The following FILIP1L variants were observed in gnomAD, a reference collection of about 807,000 sequenced individuals.
The protein encoded by FILIP1L is filamin A-interacting protein 1-like.
A neutral mutation model predicts 96.6 loss-of-function variants in FILIP1L; 55 were observed. The ratio of observed to expected loss-of-function variants is 0.57; its 90% CI spans 0.46 to 0.71. The LOEUF is 0.71. FILIP1L is among the 30% of genes least tolerant of loss of function. The pLI, the probability that FILIP1L is intolerant of heterozygous loss-of-function variation, is 0.00. For missense variants in FILIP1L, 1,304 were observed against 1,321.2 expected (o/e 0.99, Z 0.20); for synonymous variants, 467 against 473.9 (o/e 0.99, Z 0.19).
At chr3:99,875,515 G>T (rs550448706) in intron 4 of FILIP1L, among the ~76,000 whole-genome samples, 9 of 152,110 alleles carry the variant, frequency 5.9e-5, no homozygotes, top group Non-Finnish European at 1.5e-5. Context: ...ATGCTTTTAC[G>T]ACAAAATAGC....
intron 1 of FILIP1L, chr3:100,010,246 TC>T: frequency 4.3e-6 from 2 of 460,408 alleles, no homozygotes; most frequent in Non-Finnish European, 5.7e-6. Context: ...AGTATGTTTT[TC>T]CCCCCACAAC....
intron 4 of FILIP1L, among the ~76,000 whole-genome samples, chr3:99,885,273 G>A (rs1290736499): frequency 1.3e-5 from 2 of 152,216 alleles, no homozygotes; most frequent in Admixed American, 6.5e-5. Context: ...TTGGATGCTT[G>A]TAGGGCTATT....
chr3:99,994,816 A>C (rs970614924), intron 1 of FILIP1L, among the ~76,000 whole-genome samples: 1 of 152,152 alleles, frequency 6.6e-6, no homozygotes, highest in African/African-American at 2.4e-5. Context: ...TCCTGATAAA[A>C]CCATCAGATC....
intron 1 of FILIP1L, among the ~76,000 whole-genome samples, chr3:100,076,116 T>G (rs1297388531): frequency 6.6e-6 from 1 of 152,210 alleles, no homozygotes; most frequent in African/African-American, 2.4e-5. Context: ...GCCATATGTA[T>G]AATTAAGAAA....
intron 1 of FILIP1L, among the ~76,000 whole-genome samples, chr3:100,019,649 G>A (rs77495843): frequency 0.012 from 1,827 of 152,126 alleles, 23 homozygotes; most frequent in African/African-American, 0.027. Flanking sequence ...GCTGTTGACT[G>A]TCTTTCCATT....
chr3:99,997,888 A>C (rs181393674), intron 1 of FILIP1L, among the ~76,000 whole-genome samples: 2 of 152,352 alleles, frequency 1.3e-5, no homozygotes, highest in East Asian at 3.9e-4. Context: ...CTAAAGTATA[A>C]TGCATTTTGA....
At chr3:99,919,184 CTTTAG>C (rs1707047445) in intron 4 of FILIP1L, among the ~76,000 whole-genome samples, 1 of 151,906 alleles carries the variant, frequency 6.6e-6, no homozygotes, top group South Asian at 2.1e-4. Flanking sequence ...TAGTAAAATA[CTTTAG>C]TTTAATGTGT....
At chr3:99,907,971 A>T (rs1706675815) in intron 4 of FILIP1L, among the ~76,000 whole-genome samples, 1 of 152,238 alleles carries the variant, frequency 6.6e-6, no homozygotes, top group Non-Finnish European at 1.5e-5. Context: ...AATGAACTAG[A>T]TGATAAGTAA....
At chr3:99,901,247 T>C (rs1362936533) in intron 4 of FILIP1L, among the ~76,000 whole-genome samples, 1 of 152,234 alleles carries the variant, frequency 6.6e-6, no homozygotes, top group Non-Finnish European at 1.5e-5. Context: ...AGTACCTTCC[T>C]TTAGAGATGC....
intron 4 of FILIP1L, among the ~76,000 whole-genome samples, chr3:99,880,312 C>A (rs1705680418): frequency 6.6e-6 from 1 of 152,164 alleles, no homozygotes; most frequent in East Asian, 1.9e-4. Flanking sequence ...TATACCATAT[C>A]TCCGCACTTA....
At chr3:100,058,894 G>T (rs1367173698) in intron 1 of FILIP1L, among the ~76,000 whole-genome samples, 1 of 152,180 alleles carries the variant, frequency 6.6e-6, no homozygotes, top group African/African-American at 2.4e-5. Flanking sequence ...TTTTCTTTCT[G>T]ATCTTCTAAC....
chr3:99,958,221 T>TATTATG (rs1708392621), intron 1 of FILIP1L, among the ~76,000 whole-genome samples: 1 of 145,862 alleles, frequency 6.9e-6, no homozygotes, highest in Non-Finnish European at 1.5e-5. Context: ...TTATTATTAT[T>TATTATG]ATTATTATTA....
intron 1 of FILIP1L, among the ~76,000 whole-genome samples, chr3:100,059,958 A>G (rs903169857): frequency 1.1e-4 from 16 of 151,700 alleles, no homozygotes; most frequent in African/African-American, 3.9e-4. Context: ...GGTAAATCAC[A>G]TATGTATGAA....
chr3:99,968,107 A>G (rs1467113274), intron 1 of FILIP1L, among the ~76,000 whole-genome samples: 1 of 152,218 alleles, frequency 6.6e-6, no homozygotes, highest in Non-Finnish European at 1.5e-5. Flanking sequence ...TAGTAAAGGC[A>G]GTGATCAAGG....
At chr3:100,047,589 C>T (rs1217773034) in intron 1 of FILIP1L, among the ~76,000 whole-genome samples, 1 of 152,206 alleles carries the variant, frequency 6.6e-6, no homozygotes, top group Non-Finnish European at 1.5e-5. Flanking sequence ...TAAATTCTTT[C>T]CCTGCAGTTT....
chr3:100,019,592 G>A (rs2064769345), intron 1 of FILIP1L, among the ~76,000 whole-genome samples: 1 of 152,042 alleles, frequency 6.6e-6, no homozygotes, highest in South Asian at 2.1e-4. Flanking sequence ...AAAGACAGTA[G>A]TAGATACTTT....
intron 1 of FILIP1L, among the ~76,000 whole-genome samples, chr3:100,076,759 T>C (rs1181449277): frequency 6.6e-6 from 1 of 152,252 alleles, no homozygotes; most frequent in African/African-American, 2.4e-5. Context: ...AACTTATTAA[T>C]GTAACGTCTT....
chr3:99,957,142 CA>C (rs543179427), intron 1 of FILIP1L, among the ~76,000 whole-genome samples: 2 of 151,634 alleles, frequency 1.3e-5, no homozygotes, highest in East Asian at 3.9e-4. Context: ...TGATATACAG[CA>C]AAAAAAATAC....
intron 1 of FILIP1L, among the ~76,000 whole-genome samples, chr3:99,948,054 A>G (rs925986739): frequency 2.0e-5 from 3 of 152,230 alleles, no homozygotes; most frequent in Non-Finnish European, 4.4e-5. Context: ...TTTTTATTCT[A>G]AAGCTATAAC....
Sources: gnomAD v4.1 joint callset for allele counts (sites outside exome capture counted in the v4.1 genomes callset) on GRCh38, gnomAD v4.1.1 for gene constraint, MANE v1.5 for transcripts, NCBI Gene and HGNC (gene_info 2026-07-23, HGNC 2026-07-21) for gene names.